GRIA1: variants seen among roughly 807,000 people sequenced by gnomAD.
GRIA1 encodes glutamate receptor 1.
In GRIA1, 31 loss-of-function variants were observed where a neutral mutation model predicts 99.2. The observed-to-expected ratio is 0.31, with a 90% CI of 0.23 to 0.42. The LOEUF (loss-of-function observed/expected upper bound fraction) is 0.42, where lower values mean the gene tolerates loss of function less well. Among genes scored for constraint, GRIA1 ranks in the 10% least tolerant of loss-of-function variants. The pLI, the probability that GRIA1 is intolerant of heterozygous loss-of-function variation, is 1.00. For synonymous variants in GRIA1, 438 were observed against 432.4 expected (o/e 1.01, Z -0.16); for missense variants, 782 against 1,157.5 (o/e 0.68, Z 4.71).
chr5:153,576,315 G>C (rs1762526485), intron 2 of GRIA1, among the ~76,000 whole-genome samples: 1 of 152,160 alleles, frequency 6.6e-6, no homozygotes, highest in African/African-American at 2.4e-5. Flanking sequence ...TGCTTCCTTG[G>C]GAAGGTTGGA....
chr5:153,655,768 G>A (rs996386305), intron 4 of GRIA1, 51 bp from the exon 5 acceptor site: 1 of 1,497,418 alleles, frequency 6.7e-7, no homozygotes, highest in Admixed American at 1.7e-5. Context: ...TTGTTGTCGT[G>A]GCTTTAACTG....
At chr5:153,647,932 A>G (rs1417719493) in intron 3 of GRIA1, among the ~76,000 whole-genome samples, 1 of 151,990 alleles carries the variant, frequency 6.6e-6, no homozygotes, top group Non-Finnish European at 1.5e-5. Context: ...AATTCTGTGG[A>G]TGGGAGCACT....
chr5:153,679,240 T>G (rs895795816), intron 7 of GRIA1, among the ~76,000 whole-genome samples: 43 of 152,172 alleles, frequency 2.8e-4, no homozygotes, highest in Non-Finnish European at 5.3e-4. Flanking sequence ...CTCCTGGCAG[T>G]GTCTATGGAG....
intron 11 of GRIA1, among the ~76,000 whole-genome samples, chr5:153,708,161 A>G (rs1316062248): frequency 1.3e-5 from 2 of 152,156 alleles, no homozygotes; most frequent in South Asian, 4.1e-4. Context: ...CTTGTGGTCC[A>G]TAAACTGAAT....
chr5:153,778,651 CCACACACA>C lies in GRIA1; in HGVS notation c.2270+8265_2270+8272del, dbSNP rs57534899. On this transcript the variant is annotated intron_variant, in intron 13 of 15. Coordinates refer to ENST00000285900, the MANE Select transcript of GRIA1 (RefSeq NM_000827.4). Reference sequence around the variant, plus strand: ...AAGATTATTTAATCATCACCCCCCACCACACACACACACACACACACACACACACACAC... The same window carrying C: ...AAGATTATTTAATCATCACCCCCCACCACACACACACACACACACACACAC... Among the ~76,000 whole-genome samples, 196 of 147,150 alleles carry C rather than the reference CCACACACA, an allele frequency of 1.3e-3. 1 individual carries two copies. The highest frequency in any genetic ancestry group is 8.3e-3 in the South Asian group (38 of 4,558).
At chr5:153,725,701 A>G (rs1760469619) in intron 11 of GRIA1, among the ~76,000 whole-genome samples, 1 of 109,422 alleles carries the variant, frequency 9.1e-6, no homozygotes, top group Admixed American at 9.7e-5. Flanking sequence ...TATCCTAAAT[A>G]TATATGCACC....
intron 5 of GRIA1, among the ~76,000 whole-genome samples, chr5:153,658,430 A>T (rs1351377338): frequency 6.6e-6 from 1 of 152,114 alleles, no homozygotes; most frequent in Non-Finnish European, 1.5e-5. Flanking sequence ...TCTTCTTCTG[A>T]CCTAATGACC....
intron 3 of GRIA1, among the ~76,000 whole-genome samples, chr5:153,649,708 C>T (rs941081196): frequency 8.5e-5 from 13 of 152,084 alleles, no homozygotes; most frequent in African/African-American, 3.1e-4. Flanking sequence ...GTGATCCACC[C>T]ACCTCGACCT....
intron 2 of GRIA1, among the ~76,000 whole-genome samples, chr5:153,633,865 GCA>G (rs1224325506): frequency 1.3e-5 from 2 of 152,138 alleles, no homozygotes; most frequent in African/African-American, 4.8e-5. Flanking sequence ...CATGTGCCAG[GCA>G]CTGTGGTAGA....
chr5:153,615,756 T>G (rs1429735909), intron 2 of GRIA1, among the ~76,000 whole-genome samples: 1 of 152,214 alleles, frequency 6.6e-6, no homozygotes, highest in East Asian at 1.9e-4. Context: ...ATCTTTATAC[T>G]CGTAACAACT....
intron 5 of GRIA1, among the ~76,000 whole-genome samples, chr5:153,666,410 A>T (rs549443123): frequency 5.1e-4 from 77 of 152,308 alleles, no homozygotes; most frequent in African/African-American, 1.8e-3. Context: ...ACCAGCACAC[A>T]TTAAAGGAGC....
rs563941326 is a variant in GRIA1, at chr5:153,597,512, A to G, written c.221-49416A>G. Among the ~76,000 whole-genome samples, 70 of 152,310 alleles carry G rather than the reference A, an allele frequency of 4.6e-4. 1 individual carries two copies. Among genetic ancestry groups the G allele is most frequent in the Admixed American group, 7.2e-4 (11 of 15,300 alleles). ...CAGTTATTTAAAGCCTAGGAGCCTCACTTTTCTCATCTAAAAAGAAGCAAT... is the reference window on the plus strand; with the variant it reads ...CAGTTATTTAAAGCCTAGGAGCCTCGCTTTTCTCATCTAAAAAGAAGCAAT... On this transcript the variant is annotated intron_variant, in intron 2 of 15. Transcript: ENST00000285900.
chr5:153,705,258 A>G (rs1216908978), intron 10 of GRIA1, among the ~76,000 whole-genome samples: 1 of 152,206 alleles, frequency 6.6e-6, no homozygotes, highest in Non-Finnish European at 1.5e-5. Flanking sequence ...GATTCTGGCC[A>G]GGGTAGTGGG....
intron 2 of GRIA1, among the ~76,000 whole-genome samples, chr5:153,497,764 C>G (rs1754586099): frequency 6.6e-6 from 1 of 152,104 alleles, no homozygotes; most frequent in Non-Finnish European, 1.5e-5. Context: ...AGCCCTCAAC[C>G]AAACCTAGGC....
In GRIA1 at chr5:153,740,958, GA is replaced by G. The variant is rs1342547082; in HGVS notation, c.1824-23473del. Among the ~76,000 whole-genome samples the G allele has an allele frequency of 2.7e-3, 372 of 135,884 alleles. 4 individuals are homozygous for G. Among genetic ancestry groups the G allele is most frequent in the African/African-American group, 9.8e-3 (364 of 36,992 alleles). 89.1% of individuals were successfully genotyped at this position (135,884 alleles called of 152,430 possible). On this transcript the variant is annotated intron_variant, in intron 11 of 15. Coordinates refer to ENST00000285900, the MANE Select transcript of GRIA1 (RefSeq NM_000827.4). ...CAACAAGTCTTGGCAGGGATGTGAAGAAATTGGCTTTTTTTTTTTTTTTTTT... is the reference window on the plus strand; with the variant it reads ...CAACAAGTCTTGGCAGGGATGTGAAGAATTGGCTTTTTTTTTTTTTTTTTT...
chr5:153,566,716 C>CTTTTTTTT (rs56127811), intron 2 of GRIA1, among the ~76,000 whole-genome samples: 2 of 116,556 alleles, frequency 1.7e-5, no homozygotes, highest in Non-Finnish European at 3.3e-5. Context: ...CAAATATTGT[C>CTTTTTTTT]TTTTTTTTTT....
chr5:153,813,079 T>C lies in GRIA1; in HGVS notation c.*1854T>C, dbSNP rs1057445027. ...CTCTCCACTCTCCTGCCTTCAGCCA[T>C]AGCAAAGAATCCTTCCAAAATCAAA... On this transcript the variant is annotated 3_prime_UTR_variant, in exon 16 of 16. Coordinates refer to ENST00000285900, the MANE Select transcript of GRIA1 (RefSeq NM_000827.4). 6.6e-6 allele frequency: 1 copy of C among 152,260 alleles called. No individual in the cohort carries two copies. The highest frequency in any genetic ancestry group is 1.5e-5 in the Non-Finnish European group (1 of 68,056). The allele number at this position is 152,260 out of a possible 1,614,324, so 9.4% of individuals were successfully genotyped here.
At chr5:153,798,004 C>T (rs1765756878) in intron 14 of GRIA1, among the ~76,000 whole-genome samples, 1 of 152,166 alleles carries the variant, frequency 6.6e-6, no homozygotes, top group South Asian at 2.1e-4. Flanking sequence ...CCTTAGGTGC[C>T]TCAAATGTTT....
intron 11 of GRIA1, among the ~76,000 whole-genome samples, chr5:153,753,487 T>G (rs868245943): frequency 6.6e-6 from 1 of 152,142 alleles, no homozygotes; most frequent in Non-Finnish European, 1.5e-5. Flanking sequence ...AAGTGCTGGA[T>G]AAGAAATATG....
Sources: allele counts gnomAD v4.1 joint callset (sites outside exome capture counted in the v4.1 genomes callset), GRCh38; gene constraint gnomAD v4.1.1; transcripts MANE v1.5; gene names NCBI Gene and HGNC (gene_info 2026-07-23, HGNC 2026-07-21).